RPAP2: variants seen among roughly 807,000 people sequenced by gnomAD.
RPAP2 encodes the protein putative RNA polymerase II subunit B1 CTD phosphatase RPAP2.
RPAP2 carries 52 observed loss-of-function variants against 73.1 expected under a neutral mutation model. The observed-to-expected ratio is 0.71, with a 90% CI of 0.57 to 0.90. The LOEUF is 0.90. Among genes scored for constraint, RPAP2 ranks in the 40% least tolerant of loss-of-function variants. The probability of loss-of-function intolerance (pLI) is 0.00; values close to 1 mark genes in which losing one functional copy is unlikely to be tolerated. For synonymous variants in RPAP2, 225 were observed against 242.1 expected, an observed-to-expected ratio of 0.93 and a Z score of 0.65; for missense variants, 598 against 701.8, an observed-to-expected ratio of 0.85 and a Z score of 1.67.
At chr1:92,341,496 GA>G (rs899320288) in intron 10 of RPAP2, among the ~76,000 whole-genome samples, 1 of 152,116 alleles carries the variant, frequency 6.6e-6, no homozygotes, top group Admixed American at 6.6e-5. Flanking sequence ...GAAATGAAAT[GA>G]AATGAAAGCA....
chr1:92,366,192 A>G (rs1159032059), intron 11 of RPAP2, among the ~76,000 whole-genome samples: 1 of 152,092 alleles, frequency 6.6e-6, no homozygotes, highest in African/African-American at 2.4e-5. Context: ...AGTCTCGGCT[A>G]TTTGGGAGGC....
intron 12 of RPAP2, among the ~76,000 whole-genome samples, chr1:92,385,728 C>A (rs1284354127): frequency 1.3e-5 from 2 of 152,086 alleles, no homozygotes; most frequent in Non-Finnish European, 2.9e-5. Context: ...ACTTTTGTTA[C>A]TAACAAATTT....
At chr1:92,322,534 A>G (rs1652339414) in intron 7 of RPAP2, among the ~76,000 whole-genome samples, 1 of 151,650 alleles carries the variant, frequency 6.6e-6, no homozygotes, top group African/African-American at 2.4e-5. Flanking sequence ...ACAGAGCAAG[A>G]CTCCATCTCA....
rs982692967 is a variant in RPAP2, at chr1:92,299,727, C to T, written c.74-467C>T. ...AATCAATTTGCAAAAACAAATTGCT[C>T]TCCCTTCCTATTTCATTTTGATTTA... On this transcript the variant is annotated intron_variant, in intron 1 of 12. Coordinates refer to ENST00000610020, the MANE Select transcript of RPAP2 (RefSeq NM_024813.3). Among the ~76,000 whole-genome samples, 4 of 152,172 alleles carry T rather than the reference C, an allele frequency of 2.6e-5. No homozygotes were observed. The East Asian group carries it at 5.8e-4, about 22-fold the overall frequency.
intron 10 of RPAP2, among the ~76,000 whole-genome samples, chr1:92,344,129 G>T (rs1490096243): frequency 6.6e-6 from 1 of 152,130 alleles, no homozygotes; most frequent in African/African-American, 2.4e-5. Flanking sequence ...TGCTATACCA[G>T]CTGGGCACCG....
At chr1:92,340,527 C>T (rs1381027762) in intron 10 of RPAP2, among the ~76,000 whole-genome samples, 4 of 152,196 alleles carry the variant, frequency 2.6e-5, no homozygotes, top group Admixed American at 6.5e-5. Context: ...CAGTGATTCT[C>T]AAGCCAGTTG....
At position 92,320,420 on chromosome 1, in the gene RPAP2, GC is replaced by G. The variant is rs771004855; in HGVS notation, c.489-178del. The stretch of plus-strand genomic sequence containing the variant: ...CCTGAGTAGCTGGGACTACAGGCGC[GC>G]ACCGCCATGTCCAGCTAATTTTTGT... On this transcript the variant is annotated intron_variant, in intron 6 of 12. Transcript: ENST00000610020. Among the ~76,000 whole-genome samples, 58 of 151,986 alleles carry G rather than the reference GC, an allele frequency of 3.8e-4. No individual in the cohort carries two copies. The East Asian group carries it at 4.5e-3, about 12-fold the overall frequency.
chr1:92,351,077 G>A lies in RPAP2; in HGVS notation c.1688+5163G>A, dbSNP rs1166472484. Among the ~76,000 whole-genome samples, 5 of 152,164 alleles carry A rather than the reference G, an allele frequency of 3.3e-5. No homozygotes were observed. The East Asian group carries it at 5.8e-4, about 18-fold the overall frequency. ...GCCTGTGAGCACTTTGGGAAGCCGA[G>A]ACAGGTGGATCACGAAGTCAGAAGA... On this transcript the variant is annotated intron_variant, in intron 11 of 12. Transcript: ENST00000610020.
At chr1:92,357,059 C>G (rs926545278) in intron 11 of RPAP2, among the ~76,000 whole-genome samples, 2 of 148,282 alleles carry the variant, frequency 1.3e-5, no homozygotes. Context: ...GAGCAAGACT[C>G]TGTCTCAAAA....
chr1:92,307,302 A>G, intron 6 of RPAP2, 26 bp downstream of exon 6: 3 of 1,410,022 alleles, frequency 2.1e-6, no homozygotes, highest in Non-Finnish European at 3.0e-6. Flanking sequence ...GTGTATATAC[A>G]TTTGTTCATA....
intron 12 of RPAP2, among the ~76,000 whole-genome samples, chr1:92,386,363 T>G (rs1265285464): frequency 2.0e-5 from 3 of 152,170 alleles, no homozygotes; most frequent in Non-Finnish European, 4.4e-5. Context: ...CATACTGCCT[T>G]GGTGAGAGTC....
At chr1:92,325,276 T>G (rs1652561693) in intron 8 of RPAP2, among the ~76,000 whole-genome samples, 1 of 152,142 alleles carries the variant, frequency 6.6e-6, no homozygotes, top group Non-Finnish European at 1.5e-5. Flanking sequence ...GGCTCTAAAT[T>G]TAAAAGCACA....
intron 1 of RPAP2, among the ~76,000 whole-genome samples, 173 bp downstream of exon 1, chr1:92,299,319 C>G (rs995971581): frequency 6.6e-6 from 1 of 152,194 alleles, no homozygotes; most frequent in Non-Finnish European, 1.5e-5. Context: ...GAAAGATTTC[C>G]TGGCCGCCCC....
chr1:92,343,995 T>A (rs1571096189), intron 10 of RPAP2, among the ~76,000 whole-genome samples: 1 of 152,220 alleles, frequency 6.6e-6, no homozygotes, highest in East Asian at 1.9e-4. Context: ...CAATCCATTC[T>A]TCGTTCCTCC....
chr1:92,305,184 G>A (rs1651116068), intron 5 of RPAP2, among the ~76,000 whole-genome samples: 1 of 151,894 alleles, frequency 6.6e-6, no homozygotes, highest in African/African-American at 2.4e-5. Flanking sequence ...TGTAATCCCA[G>A]CACTTTGGGA....
intron 11 of RPAP2, among the ~76,000 whole-genome samples, chr1:92,364,572 A>C (rs1351024880): frequency 6.6e-6 from 1 of 152,120 alleles, no homozygotes; most frequent in Non-Finnish European, 1.5e-5. Flanking sequence ...TTTGAGATTA[A>C]GTCATTTTGC....
chr1:92,349,500 GATAGTCCAGGATA>G (rs1374188606), intron 11 of RPAP2, among the ~76,000 whole-genome samples: 6 of 152,124 alleles, frequency 3.9e-5, no homozygotes, highest in Non-Finnish European at 5.9e-5. Context: ...ACCAAAACAT[GATAGTCCAGGATA>G]ACATAAATAA....
chr1:92,384,781 C>T (rs983478660), intron 12 of RPAP2, among the ~76,000 whole-genome samples: 3 of 151,910 alleles, frequency 2.0e-5, no homozygotes, highest in Admixed American at 2.0e-4. Context: ...ATTCAAAGGC[C>T]CTTAAAGAAT....
At chr1:92,372,231 C>T (rs981280684) in intron 11 of RPAP2, among the ~76,000 whole-genome samples, 1 of 152,176 alleles carries the variant, frequency 6.6e-6, no homozygotes, top group African/African-American at 2.4e-5. Flanking sequence ...CCTCTCCTTT[C>T]ATATTTCACC....
Sources: gnomAD v4.1 joint callset for allele counts (sites outside exome capture counted in the v4.1 genomes callset) on GRCh38, gnomAD v4.1.1 for gene constraint, MANE v1.5 for transcripts, NCBI Gene and HGNC (gene_info 2026-07-23, HGNC 2026-07-21) for gene names.